Variants in PCDHGA6 observed in about 807,000 individuals in gnomAD.
PCDHGA6 encodes the protein protocadherin gamma-A6.
PCDHGA6 carries 41 observed loss-of-function variants against 60.6 expected under a neutral mutation model. That is an observed-to-expected ratio of 0.68 (90% CI 0.53 to 0.88). PCDHGA6 has a LOEUF of 0.88. PCDHGA6 is among the 40% of genes least tolerant of loss of function. The pLI is 0.00. For synonymous variants in PCDHGA6, 594 were observed against 524.4 expected (o/e 1.13, Z -1.81); for missense variants, 1,312 against 1,203.0 (o/e 1.09, Z -1.34).
In PCDHGA6 at chr5:141,421,851, T is replaced by A. The variant is rs771169063; in HGVS notation, c.2424+45344T>A. 16 of 1,613,596 alleles carry A rather than the reference T, an allele frequency of 9.9e-6. No homozygotes were observed. The Middle Eastern group carries it at 4.9e-4, about 50-fold the overall frequency. On this transcript the variant is annotated intron_variant, in intron 1 of 3. Coordinates refer to ENST00000517434, the MANE Select transcript of PCDHGA6 (RefSeq NM_018919.3). ...GCCTGGACCGAGAGAAAGAGGCTGC[T>A]CACCTGCTCCTCCTCACAGCTTTAG...
chr5:141,408,865 A>T (rs765751172), intron 1 of PCDHGA6: 9 of 1,613,684 alleles, frequency 5.6e-6, no homozygotes, highest in Admixed American at 1.7e-5. Flanking sequence ...GGGACCCACC[A>T]AGAAGTGCCA....
chr5:141,457,417 CTTTT>C (rs894846890), intron 1 of PCDHGA6, among the ~76,000 whole-genome samples: 4 of 152,180 alleles, frequency 2.6e-5, no homozygotes, highest in Admixed American at 2.6e-4. Context: ...TTACCCATCC[CTTTT>C]TCCCCCCCAC....
At position 141,455,034 on chromosome 5, in the gene PCDHGA6, G is replaced by T. The variant is rs112590950; in HGVS notation, c.2425-39773G>T. 8.3e-3 allele frequency among the ~76,000 whole-genome samples: 1,254 copies of T among 150,894 alleles called. 18 individuals are homozygous for T. Among genetic ancestry groups the T allele is most frequent in the African/African-American group, 0.029 (1,191 of 41,122 alleles). ...TCACCGTGTTAGCCAGGATGGTCTC[G>T]ATCTCCTGACCTCGTGATCCGCCCG... On this transcript the variant is annotated intron_variant, in intron 1 of 3. Coordinates refer to ENST00000517434, the MANE Select transcript of PCDHGA6 (RefSeq NM_018919.3).
intron 1 of PCDHGA6, chr5:141,390,939 A>G (rs572047279): frequency 6.6e-6 from 1 of 152,412 alleles, no homozygotes; most frequent in Admixed American, 6.5e-5. Context: ...TTAGAAGATC[A>G]AAAGCAGATT....
intron 1 of PCDHGA6, chr5:141,394,160 T>G (rs749389529): frequency 1.7e-5 from 27 of 1,613,534 alleles, no homozygotes; most frequent in Non-Finnish European, 2.3e-5. Flanking sequence ...ACGACAACCC[T>G]CCTACTTTCC....
At chr5:141,393,937 ACT>A in intron 1 of PCDHGA6, 3 of 1,613,906 alleles carry the variant, frequency 1.9e-6, no homozygotes, top group Non-Finnish European at 2.5e-6. Flanking sequence ...CATGACCAAG[ACT>A]CTGGAAAGAA....
rs1301352900 is a variant in PCDHGA6, at chr5:141,491,765, A to T, written c.2425-3042A>T. ...GGCACTGGAGAAGCCGCCCGTCCTC[A>T]TAAGGGATTGAACTTGCATCCACTC... On this transcript the variant is annotated intron_variant, in intron 1 of 3. Transcript: ENST00000517434. The surrounding 1 kb of genome is among the most constrained non-coding windows in gnomAD (Gnocchi z 6.9). 1.3e-6 allele frequency: 2 copies of T among 1,569,228 alleles called. No individual in the cohort carries two copies. Among genetic ancestry groups the T allele is most frequent in the Non-Finnish European group, 1.7e-6 (2 of 1,158,736 alleles).
chr5:141,375,106 T>A lies in PCDHGA6; in HGVS notation c.1023T>A (p.Asn341Lys), dbSNP rs1771135818. ...AKVLITILDV[N>K]DNVPEVVVTS... ...TCTTAATAACTATCTTGGATGTCAA[T>A]GATAATGTACCAGAAGTGGTTGTTA... The change falls in exon 1 of 4, where the codon AAT becomes AAA. Residue 341 changes from asparagine to lysine, a missense_variant. Coordinates refer to ENST00000517434, the MANE Select transcript of PCDHGA6 (RefSeq NM_018919.3). The A allele has an allele frequency of 1.2e-6, 2 of 1,613,952 alleles. No homozygotes were observed. Among genetic ancestry groups the A allele is most frequent in the East Asian group, 4.5e-5 (2 of 44,882 alleles).
At chr5:141,385,182 G>C (rs374159387) in intron 1 of PCDHGA6, 1 of 1,614,138 alleles carries the variant, frequency 6.2e-7, no homozygotes, top group African/African-American at 1.3e-5. Context: ...CCCTCACCGC[G>C]GACTCTCGGA....
Position 141,393,407 on chromosome 5 carries a change from C to T in PCDHGA6, c.2424+16900C>T, listed in dbSNP as rs766086453. ...TAAACCCAGAGCTGGTGCTGGAGCG[C>T]GCCCTGGACAGGGAGGAAGAGGCTG... On this transcript the variant is annotated intron_variant, in intron 1 of 3. Transcript: ENST00000517434. 3.1e-6 allele frequency: 5 copies of T among 1,614,056 alleles called. No individual in the cohort carries two copies. In the South Asian group the frequency reaches 5.5e-5, roughly 18 times the overall value.
intron 1 of PCDHGA6, chr5:141,399,617 T>G: frequency 6.2e-7 from 1 of 1,613,944 alleles, no homozygotes; most frequent in Non-Finnish European, 8.5e-7. Flanking sequence ...CCTCTGGCAC[T>G]GGCCTCTTAC....
chr5:141,392,841 C>T (rs1464167244), intron 1 of PCDHGA6: 3 of 1,608,800 alleles, frequency 1.9e-6, no homozygotes, highest in Non-Finnish European at 8.5e-7. Flanking sequence ...TCGCCCCAGA[C>T]GCGGCGAGCT....
At position 141,375,335 on chromosome 5, in the gene PCDHGA6, T is replaced by C; in HGVS notation, c.1252T>C (p.Tyr418His). 2 of 1,613,812 alleles carry C rather than the reference T, an allele frequency of 1.2e-6. No individual in the cohort carries two copies. The highest frequency in any genetic ancestry group is 1.7e-6 in the Non-Finnish European group (2 of 1,179,878). ...TCTAGACCGGGAAGAGGTATTCTTGTACAACATCACTGTGACAGCCACGGA... is the reference window on the plus strand; with the variant it reads ...TCTAGACCGGGAAGAGGTATTCTTGCACAACATCACTGTGACAGCCACGGA... Reference protein sequence around the residue: ...AALDREEVFLYNITVTATDKG... With the variant: ...AALDREEVFLHNITVTATDKG... Residue 418 changes from tyrosine to histidine, a missense_variant, in exon 1 of 4, where the codon TAC becomes CAC. Tyr to His is a moderately conservative substitution (Grantham distance 83). Coordinates refer to ENST00000517434, the MANE Select transcript of PCDHGA6 (RefSeq NM_018919.3).
chr5:141,491,109 A>G lies in PCDHGA6; in HGVS notation c.2425-3698A>G, dbSNP rs1039906987. 4.3e-6 allele frequency: 7 copies of G among 1,614,074 alleles called. No individual in the cohort carries two copies. The African/African-American group carries it at 9.3e-5, about 22-fold the overall frequency. ...CCCCAGGACTGTTCCTCGTGTCTAC[A>G]CACACTGGTGAGGTGCGCACAGCCC... On this transcript the variant is annotated intron_variant, in intron 1 of 3. Coordinates refer to ENST00000517434, the MANE Select transcript of PCDHGA6 (RefSeq NM_018919.3). The surrounding 1 kb of genome is among the most constrained non-coding windows in gnomAD (Gnocchi z 6.9).
At chr5:141,436,439 A>G (rs1481744238) in intron 1 of PCDHGA6, among the ~76,000 whole-genome samples, 5 of 152,208 alleles carry the variant, frequency 3.3e-5, no homozygotes, top group African/African-American at 1.2e-4. Flanking sequence ...TCTGGGGATT[A>G]CCTGATACCA....
chr5:141,489,335 G>T lies in PCDHGA6; in HGVS notation c.2425-5472G>T. On this transcript the variant is annotated intron_variant, in intron 1 of 3. Transcript: ENST00000517434. This position sits in a 1 kb window ranked among gnomAD's most constrained non-coding sequence, Gnocchi z 4.5. ...TGGGGCTGGGTGTCTGGGCAGCTTC[G>T]TTACTCAGTGGTGGAGGAGTCTGAG... 1.2e-6 allele frequency: 2 copies of T among 1,607,364 alleles called. No individual in the cohort carries two copies. The highest frequency in any genetic ancestry group is 1.7e-6 in the Non-Finnish European group (2 of 1,175,842).
chr5:141,387,317 A>C (rs149989100), intron 1 of PCDHGA6, among the ~76,000 whole-genome samples: 9 of 152,348 alleles, frequency 5.9e-5, no homozygotes, highest in African/African-American at 1.4e-4. Flanking sequence ...CTAATGAGTA[A>C]GTATGGAAAA....
Position 141,477,872 on chromosome 5 carries a change from G to A in PCDHGA6, c.2425-16935G>A. The stretch of plus-strand genomic sequence containing the variant: ...GGAGATGCTGCCTCGAGGTACCTCA[G>A]CTGGCCACCTAGTGTCACGGGTGGT... On this transcript the variant is annotated intron_variant, in intron 1 of 3. Coordinates refer to ENST00000517434, the MANE Select transcript of PCDHGA6 (RefSeq NM_018919.3). This position sits in a 1 kb window ranked among gnomAD's most constrained non-coding sequence, Gnocchi z 4.9. The A allele has an allele frequency of 6.2e-7, 1 of 1,614,180 alleles. No individual in the cohort carries two copies. Among genetic ancestry groups the A allele is most frequent in the African/African-American group, 1.3e-5 (1 of 75,058 alleles).
At chr5:141,389,235 TCA>T (rs2091656158) in intron 1 of PCDHGA6, 4 of 1,614,080 alleles carry the variant, frequency 2.5e-6, no homozygotes, top group Non-Finnish European at 2.5e-6. Flanking sequence ...TCCGGTTTTC[TCA>T]CAGTCTTCCT....
Sources: gnomAD v4.1 joint callset for allele counts (sites outside exome capture counted in the v4.1 genomes callset) on GRCh38, gnomAD v4.1.1 for gene constraint, Gnocchi (gnomAD v3.1) non-coding constraint, MANE v1.5 for transcripts, NCBI Gene and HGNC (gene_info 2026-07-23, HGNC 2026-07-21) for gene names.